GRAMD2B: variants seen among roughly 807,000 people sequenced by gnomAD.
GRAMD2B encodes the protein GRAM domain-containing protein 2B.
GRAMD2B carries 41 observed loss-of-function variants against 59.2 expected under a neutral mutation model. That is an observed-to-expected ratio of 0.69 (90% CI 0.54 to 0.90). The LOEUF (loss-of-function observed/expected upper bound fraction) is 0.90. Ranked by LOEUF, GRAMD2B falls within the 40% of genes least tolerant of loss-of-function variation. The probability of loss-of-function intolerance (pLI) is 0.00; values close to 1 mark genes in which losing one functional copy is unlikely to be tolerated. For synonymous variants in GRAMD2B, 161 were observed against 182.7 expected, an observed-to-expected ratio of 0.88 and a Z score of 0.96; for missense variants, 424 against 500.5, an observed-to-expected ratio of 0.85 and a Z score of 1.46.
intron 1 of GRAMD2B, among the ~76,000 whole-genome samples, chr5:126,452,685 T>C (rs1765583556): frequency 1.3e-5 from 2 of 152,178 alleles, no homozygotes; most frequent in African/African-American, 4.8e-5. Flanking sequence ...TCCTGATATA[T>C]AAGTCAGTTC....
At chr5:126,385,625 T>C (rs1756054713) in intron 1 of GRAMD2B, among the ~76,000 whole-genome samples, 1 of 152,242 alleles carries the variant, frequency 6.6e-6, no homozygotes, top group African/African-American at 2.4e-5. Flanking sequence ...CCTCAAACAA[T>C]ACTTAGTCAA....
chr5:126,454,563 T>A (rs1765933736), intron 1 of GRAMD2B, among the ~76,000 whole-genome samples: 1 of 152,230 alleles, frequency 6.6e-6, no homozygotes, highest in Admixed American at 6.5e-5. Context: ...CCTTAGGCTT[T>A]CAAAGAGACA....
At chr5:126,372,703 T>A (rs1255450861) in intron 1 of GRAMD2B, among the ~76,000 whole-genome samples, 1 of 152,118 alleles carries the variant, frequency 6.6e-6, no homozygotes, top group Non-Finnish European at 1.5e-5. Context: ...AGGGTATAAT[T>A]CTGTGATTTA....
rs187471406 is a variant in GRAMD2B at position 126,385,380 on chromosome 5, C to T, written c.125+13813C>T. On this transcript the variant is annotated intron_variant, in intron 1 of 8. Coordinates refer to the GRAMD2B transcript ENST00000506445. ...AAAAGGATACTATGAGCAATATAGG[C>T]TTAAATTTTTACCTCCATAAATATA... 7.2e-5 allele frequency among the ~76,000 whole-genome samples: 11 copies of T among 152,246 alleles called. No individual in the cohort carries two copies. In the East Asian group the frequency reaches 2.1e-3, roughly 29 times the overall value.
intron 1 of GRAMD2B, among the ~76,000 whole-genome samples, chr5:126,456,175 C>T (rs1015119351): frequency 3.3e-5 from 5 of 152,008 alleles, no homozygotes; most frequent in African/African-American, 1.2e-4. Flanking sequence ...AGCTCAATCC[C>T]ACCTCTCCCA....
chr5:126,465,088 T>A, intron 1 of GRAMD2B: 1 of 1,142,502 alleles, frequency 8.8e-7, no homozygotes, highest in South Asian at 2.7e-5. Context: ...TACATGTGCG[T>A]GTGTGCTTGT....
rs963894064 is a variant in GRAMD2B, at chr5:126,455,097, A to G, written c.84-10329A>G. 1.9e-4 allele frequency among the ~76,000 whole-genome samples: 29 copies of G among 152,080 alleles called. No individual in the cohort carries two copies. The East Asian group carries it at 5.2e-3, about 27-fold the overall frequency. On this transcript the variant is annotated intron_variant, in intron 1 of 13. Coordinates refer to ENST00000285689, the MANE Select transcript of GRAMD2B (RefSeq NM_023927.4). The stretch of plus-strand genomic sequence containing the variant: ...TTGCGTGCTCTCCCTAATCATTCCA[A>G]TGTTGTCTCTGGATTTTCCCTCCAA...
At chr5:126,381,564 C>T (rs993164212) in intron 1 of GRAMD2B, among the ~76,000 whole-genome samples, 2 of 152,088 alleles carry the variant, frequency 1.3e-5, no homozygotes, top group African/African-American at 2.4e-5. Context: ...CCCTTTACCT[C>T]GGGTTTATGT....
chr5:126,373,026 A>G (rs1754896927), intron 1 of GRAMD2B, among the ~76,000 whole-genome samples: 1 of 152,164 alleles, frequency 6.6e-6, no homozygotes, highest in African/African-American at 2.4e-5. Context: ...GTAAAATAAA[A>G]CCCACATCAA....
intron 1 of GRAMD2B, among the ~76,000 whole-genome samples, chr5:126,375,185 C>T (rs560740020): frequency 1.8e-4 from 28 of 152,126 alleles, no homozygotes; most frequent in African/African-American, 6.5e-4. Context: ...ATATATTTTA[C>T]ATTGTATTTT....
At chr5:126,435,523 T>C (rs1393981574) in intron 1 of GRAMD2B, among the ~76,000 whole-genome samples, 3 of 152,204 alleles carry the variant, frequency 2.0e-5, no homozygotes, top group African/African-American at 7.2e-5. Flanking sequence ...GTGTCCCCTC[T>C]TGCTTTGCTC....
At chr5:126,462,489 T>C in intron 1 of GRAMD2B, 1 of 978,848 alleles carries the variant, frequency 1.0e-6, no homozygotes, top group Non-Finnish European at 1.2e-6. Flanking sequence ...AGGAATTAAC[T>C]TGCTTGAGCC....
chr5:126,361,635 G>A (rs754959270), intron 1 of GRAMD2B, among the ~76,000 whole-genome samples: 1 of 151,838 alleles, frequency 6.6e-6, no homozygotes, highest in African/African-American at 2.4e-5. Context: ...AATCTAACAA[G>A]AAACACTGAA....
intron 5 of GRAMD2B, 131 bp from the exon 6 acceptor site, chr5:126,477,561 A>G: frequency 1.5e-6 from 1 of 687,068 alleles, no homozygotes; most frequent in Non-Finnish European, 2.6e-6. Context: ...GCTTTTTTTC[A>G]TGGAGGCTGG....
chr5:126,473,803 A>G (rs1042933171), intron 5 of GRAMD2B, among the ~76,000 whole-genome samples: 4 of 152,202 alleles, frequency 2.6e-5, no homozygotes, highest in African/African-American at 9.6e-5. Context: ...GTAGGACAGC[A>G]GGCCTATAAA....
chr5:126,481,207 G>A (rs200063833), intron 8 of GRAMD2B, among the ~76,000 whole-genome samples: 61 of 2,822 alleles, frequency 0.022, 18 homozygotes, highest in East Asian at 0.065. Context: ...AAAAAAAAAA[G>A]AAAGAAAGAA....
intron 1 of GRAMD2B, among the ~76,000 whole-genome samples, chr5:126,405,431 C>T (rs1758184976): frequency 1.3e-5 from 2 of 151,900 alleles, no homozygotes; most frequent in South Asian, 4.1e-4. Flanking sequence ...TGAACCTAAG[C>T]TTCCTCAATG....
At chr5:126,430,665 C>A (rs71586093) in intron 1 of GRAMD2B, among the ~76,000 whole-genome samples, 29,004 of 151,914 alleles carry the variant, frequency 0.19, 2,919 homozygotes, top group Non-Finnish European at 0.23. Flanking sequence ...GCCTTTTACT[C>A]TATAAATATA....
At chr5:126,407,851 T>A (rs1758393477) in intron 1 of GRAMD2B, among the ~76,000 whole-genome samples, 1 of 152,108 alleles carries the variant, frequency 6.6e-6, no homozygotes, top group Non-Finnish European at 1.5e-5. Flanking sequence ...GCTATGTGCC[T>A]GGTATACTGT....
Sources: allele counts gnomAD v4.1 joint callset (sites outside exome capture counted in the v4.1 genomes callset), GRCh38; gene constraint gnomAD v4.1.1; transcripts MANE v1.5; gene names NCBI Gene and HGNC (gene_info 2026-07-23, HGNC 2026-07-21).